The following POLRMT variants were observed in gnomAD, a reference collection of about 807,000 sequenced individuals.
POLRMT encodes RNA polymerase mitochondrial.
POLRMT carries 114 observed loss-of-function variants against 132.2 expected under a neutral mutation model. The observed-to-expected ratio is 0.86, with a 90% CI of 0.74 to 1.01. The LOEUF (loss-of-function observed/expected upper bound fraction) is 1.01, where lower values mean the gene tolerates loss of function less well. POLRMT is among the 50% of genes least tolerant of loss of function. The pLI, the probability that POLRMT is intolerant of heterozygous loss-of-function variation, is 0.00. For synonymous variants in POLRMT, 1,020 were observed against 773.4 expected (o/e 1.32, Z -5.29); for missense variants, 2,003 against 1,729.1 (o/e 1.16, Z -2.81).
intron 18 of POLRMT, 54 bp from the exon 19 acceptor site, chr19:617,709 C>T: frequency 6.2e-7 from 1 of 1,611,130 alleles, no homozygotes; most frequent in South Asian, 1.1e-5. Context: ...CTGGGCACCA[C>T]CCCTACCCAA....
At chr19:623,049 G>A (rs917068065) in intron 6 of POLRMT, 64 bp from the exon 7 acceptor site, 22 of 1,561,504 alleles carry the variant, frequency 1.4e-5, no homozygotes, top group Non-Finnish European at 1.7e-5. Flanking sequence ...CTCACAGGAC[G>A]GGGGTCACCG....
chr19:622,588 G>A lies in POLRMT; in HGVS notation c.1620C>T (p.Asp540=), dbSNP rs1276184791. The A allele has an allele frequency of 3.7e-6, 6 of 1,600,354 alleles. No individual in the cohort carries two copies. The African/African-American group carries it at 4.0e-5, about 11-fold the overall frequency. The change falls in exon 8 of 21, where the codon GAC becomes GAT. Residue 540 remains aspartate, a synonymous_variant. Transcript: ENST00000588649. ...YRKYLCLLAS[D]AEVPEPCLPR... is the part of the protein sequence containing the mutation. ...GAGGGGGTGCGAGCCTCACCTCGGC[G>A]TCGGAGGCCAGCAAGCAGAGGTACT... is the stretch of plus-strand genomic sequence containing the variant.
chr19:626,160 T>C (rs1408003895), intron 3 of POLRMT, among the ~76,000 whole-genome samples: 2 of 151,968 alleles, frequency 1.3e-5, no homozygotes, highest in Admixed American at 1.3e-4. Context: ...TTTTATTTAA[T>C]TATTTTTTTA....
At chr19:619,835 A>G in intron 12 of POLRMT, 70 bp from the exon 13 acceptor site, 1 of 1,551,406 alleles carries the variant, frequency 6.4e-7, no homozygotes, top group Non-Finnish European at 8.7e-7. Flanking sequence ...AGCACCCATG[A>G]AGCCCCCGCC....
intron 3 of POLRMT, 94 bp downstream of exon 3, chr19:629,446 C>T (rs1277762774): frequency 8.1e-6 from 10 of 1,236,414 alleles, no homozygotes; most frequent in Non-Finnish European, 1.1e-5. Context: ...AGGACTTGAA[C>T]CTGGGGGCTA....
chr19:623,676 A>G, intron 5 of POLRMT, 73 bp from the exon 6 acceptor site: 1 of 1,543,944 alleles, frequency 6.5e-7, no homozygotes, highest in Non-Finnish European at 8.9e-7. Context: ...CCGAGACAGC[A>G]TGGGTGCACG....
In POLRMT at chr19:620,629, G is replaced by T. The variant is rs950886895; in HGVS notation, c.2641-142C>A. ...CACGGGACGCATGTGGGCGAGAGAC[G>T]GGGCGGTGGCTGGATGAGTTCTCCA... On this transcript the variant is annotated intron_variant, in intron 10 of 20. Coordinates refer to ENST00000588649, the MANE Select transcript of POLRMT (RefSeq NM_005035.4). 3.6e-6 allele frequency: 4 copies of T among 1,113,928 alleles called. No individual in the cohort carries two copies. The Admixed American group carries it at 9.6e-5, about 27-fold the overall frequency. 69.0% of individuals were successfully genotyped at this position (1,113,928 alleles called of 1,614,324 possible).
At chr19:629,079 T>C (rs1985222836) in intron 3 of POLRMT, among the ~76,000 whole-genome samples, 2 of 152,008 alleles carry the variant, frequency 1.3e-5, no homozygotes, top group South Asian at 4.2e-4. Context: ...ACAACGAAGA[T>C]GGGTGGGATA....
At position 633,529 on chromosome 19, in the gene POLRMT, G is replaced by GGCGCCGCCGCCGCCGCCGCCGCCGCCACC; in HGVS notation, c.-18_-17insGGTGGCGGCGGCGGCGGCGGCGGCGGCGC. 1 of 1,433,916 alleles carries GGCGCCGCCGCCGCCGCCGCCGCCGCCACC rather than the reference G, an allele frequency of 7.0e-7. No homozygotes were observed. Among genetic ancestry groups the GGCGCCGCCGCCGCCGCCGCCGCCGCCACC allele is most frequent in the South Asian group, 1.8e-5 (1 of 56,358 alleles). 88.8% of individuals were successfully genotyped at this position (1,433,916 alleles called of 1,614,324 possible). A position where few individuals can be genotyped will look rare whatever the true frequency, so the allele number is the denominator to read the frequency against. On this transcript the variant is annotated 5_prime_UTR_variant, in exon 1 of 21. Coordinates refer to ENST00000588649, the MANE Select transcript of POLRMT (RefSeq NM_005035.4). Reference sequence around the variant, plus strand: ...TGCCGACATTACGCACGCCGCTCCAGGCCACCCCACCGGCCCGCGCCTGCG... The same window carrying GGCGCCGCCGCCGCCGCCGCCGCCGCCACC: ...TGCCGACATTACGCACGCCGCTCCAGGCGCCGCCGCCGCCGCCGCCGCCGCCACCGCCACCCCACCGGCCCGCGCCTGCG...
intron 3 of POLRMT, among the ~76,000 whole-genome samples, chr19:629,103 G>A (rs1378108635): frequency 1.3e-5 from 2 of 152,154 alleles, no homozygotes; most frequent in Non-Finnish European, 2.9e-5. Context: ...CTAAAGCTGT[G>A]CTCAGAGGGA....
intron 2 of POLRMT, among the ~76,000 whole-genome samples, chr19:631,715 T>G (rs976809216): frequency 6.6e-6 from 1 of 152,122 alleles, no homozygotes; most frequent in Non-Finnish European, 1.5e-5. Flanking sequence ...AGGAGATACT[T>G]TTAGGATTAA....
Position 618,365 on chromosome 19 carries a change from C to T in POLRMT, c.3422+123G>A, listed in dbSNP as rs1984183839. 2.0e-5 allele frequency: 15 copies of T among 748,004 alleles called. No homozygotes were observed. The East Asian group carries it at 4.1e-4, about 20-fold the overall frequency. 46.3% of individuals were successfully genotyped at this position (748,004 alleles called of 1,614,324 possible). A position where few individuals can be genotyped will look rare whatever the true frequency, so the allele number is the denominator to read the frequency against. ...AGGGCCTCTACACAGGCCCCACAGA[C>T]ACAGCAGATCCACTCTGCCCAGTCC... On this transcript the variant is annotated intron_variant, in intron 17 of 20. Transcript: ENST00000588649.
intron 10 of POLRMT, 86 bp from the exon 11 acceptor site, chr19:620,573 T>C (rs1382001751): frequency 8.4e-6 from 12 of 1,420,962 alleles, no homozygotes; most frequent in Non-Finnish European, 1.1e-5. Context: ...AGGTGGGAAA[T>C]GGGGAGGAGA....
rs772339185 is a variant in POLRMT, at chr19:619,204, A to T, written c.3153+6T>A. 6.2e-7 allele frequency: 1 copy of T among 1,611,088 alleles called. No individual in the cohort carries two copies. The highest frequency in any genetic ancestry group is 1.3e-5 in the African/African-American group (1 of 74,448). ...CCTGGCCGAGCGGGGACAGGACAGG[A>T]CGTACCTGGATGGCCCGGGTCCCCG... On this transcript the variant is annotated splice_donor_region_variant and intron_variant, in intron 14 of 20. Transcript: ENST00000588649.
rs573041080 is a variant in POLRMT at position 625,273 on chromosome 19, G to T, written c.823-19C>A. On this transcript the variant is annotated intron_variant, in intron 3 of 20. Transcript: ENST00000588649. ...AGGCACCCTGGGAGACCAAGCCAGG[G>T]TGAGGGTCTGGGGGGATGGCCCAAC... The T allele has an allele frequency of 6.2e-7, 1 of 1,613,306 alleles. No homozygotes were observed. Among genetic ancestry groups the T allele is most frequent in the East Asian group, 2.2e-5 (1 of 44,864 alleles).
At chr19:626,882 A>G (rs930221308) in intron 3 of POLRMT, among the ~76,000 whole-genome samples, 9 of 101,582 alleles carry the variant, frequency 8.9e-5, no homozygotes, top group African/African-American at 4.0e-4. Context: ...TCTGTCTTAA[A>G]ATATACACAC....
chr19:631,633 G>A (rs1252109150), intron 2 of POLRMT, among the ~76,000 whole-genome samples: 6 of 151,758 alleles, frequency 4.0e-5, no homozygotes, highest in African/African-American at 7.3e-5. Context: ...TTGAGAATCC[G>A]TCTCAAGAAA....
At chr19:618,231 G>C (rs143553393) in intron 17 of POLRMT, 1 of 550,114 alleles carries the variant, frequency 1.8e-6, no homozygotes, top group African/African-American at 1.9e-5. Flanking sequence ...CACACATCGC[G>C]GTGCCAAGAA....
At chr19:631,404 C>T (rs1404886135) in intron 2 of POLRMT, among the ~76,000 whole-genome samples, 1 of 150,622 alleles carries the variant, frequency 6.6e-6, no homozygotes, top group Admixed American at 6.6e-5. Context: ...CTTTAGGAGG[C>T]CGAGGCAGGC....
Sources: allele counts gnomAD v4.1 joint callset (sites outside exome capture counted in the v4.1 genomes callset), GRCh38; gene constraint gnomAD v4.1.1; transcripts MANE v1.5; gene names NCBI Gene and HGNC (gene_info 2026-07-23, HGNC 2026-07-21).